Variants in ULK4 observed in about 807,000 individuals in gnomAD.
The protein encoded by ULK4 is unc-51 like kinase 4, also known as inactive serine/threonine-protein kinase ULK4.
ULK4 carries 133 observed loss-of-function variants against 160.6 expected under a neutral mutation model. That is an observed-to-expected ratio of 0.83 (90% CI 0.72 to 0.96). The LOEUF is 0.96. Among genes scored for constraint, ULK4 ranks in the 40% least tolerant of loss-of-function variants. The pLI is 0.00. For missense variants in ULK4, 1,580 were observed against 1,499.5 expected (o/e 1.05, Z -0.89); for synonymous variants, 534 against 539.8 (o/e 0.99, Z 0.15).
intron 19 of ULK4, among the ~76,000 whole-genome samples, chr3:41,804,463 C>T (rs1007575129): frequency 2.0e-5 from 3 of 151,012 alleles, no homozygotes; most frequent in East Asian, 1.9e-4. Flanking sequence ...GTTTCTTTTG[C>T]TGTGCAGAAG....
intron 30 of ULK4, among the ~76,000 whole-genome samples, chr3:41,643,038 G>A (rs1353703157): frequency 6.6e-6 from 1 of 151,928 alleles, no homozygotes; most frequent in Admixed American, 6.6e-5. Flanking sequence ...TGATGGGGTT[G>A]TTTGTTTTTT....
intron 21 of ULK4, among the ~76,000 whole-genome samples, chr3:41,771,383 T>G (rs1661619722): frequency 6.6e-6 from 1 of 152,130 alleles, no homozygotes. Context: ...GTTTTTGTAA[T>G]CAAATACATT....
At chr3:41,279,946 G>C (rs1016820540) in intron 35 of ULK4, among the ~76,000 whole-genome samples, 1 of 152,122 alleles carries the variant, frequency 6.6e-6, no homozygotes, top group South Asian at 2.1e-4. Flanking sequence ...GATGCAGGAA[G>C]ATCTACCAAG....
intron 21 of ULK4, among the ~76,000 whole-genome samples, chr3:41,777,122 G>T (rs2039656188): frequency 2.7e-5 from 1 of 37,154 alleles, no homozygotes; most frequent in African/African-American, 2.3e-4. Context: ...TCTATTCAGA[G>T]ATTCAACTTC....
chr3:41,326,808 T>C (rs947048223), intron 35 of ULK4, among the ~76,000 whole-genome samples: 1 of 152,098 alleles, frequency 6.6e-6, no homozygotes, highest in African/African-American at 2.4e-5. Context: ...AGGGACACAG[T>C]AAAAGACACA....
At chr3:41,612,398 T>C (rs1400558797) in intron 31 of ULK4, among the ~76,000 whole-genome samples, 2 of 152,100 alleles carry the variant, frequency 1.3e-5, no homozygotes, top group African/African-American at 4.8e-5. Flanking sequence ...GGTCCACAGC[T>C]TTCCAGACCT....
chr3:41,843,771 C>T (rs201500398), intron 17 of ULK4, among the ~76,000 whole-genome samples: 2 of 152,112 alleles, frequency 1.3e-5, no homozygotes, highest in African/African-American at 4.8e-5. Flanking sequence ...ACTGCTGGCT[C>T]GGGCAGCCTG....
chr3:41,862,629 C>T (rs1318746879), intron 17 of ULK4, among the ~76,000 whole-genome samples: 1 of 152,142 alleles, frequency 6.6e-6, no homozygotes, highest in African/African-American at 2.4e-5. Context: ...CCCAGTAACA[C>T]TGTAGTTCTT....
At chr3:41,854,067 G>C (rs1288005425) in intron 17 of ULK4, 5 of 152,206 alleles carry the variant, frequency 3.3e-5, no homozygotes, top group Non-Finnish European at 7.3e-5. Context: ...TTCCCAGCCT[G>C]TCAAGATAGC....
chr3:41,689,723 A>C (rs1048501031), intron 27 of ULK4, among the ~76,000 whole-genome samples: 8 of 152,250 alleles, frequency 5.3e-5, no homozygotes, highest in Non-Finnish European at 7.3e-5. Context: ...GAGAAATGCA[A>C]ATCAATACCA....
chr3:41,642,428 G>C (rs1000803052), intron 30 of ULK4, among the ~76,000 whole-genome samples: 1 of 152,054 alleles, frequency 6.6e-6, no homozygotes, highest in African/African-American at 2.4e-5. Context: ...CTATGAGTGA[G>C]AACATGCAGT....
At position 41,255,471 on chromosome 3, in the gene ULK4, G is replaced by A. The variant is rs546232146; in HGVS notation, c.3679-5897C>T. Reference sequence around the variant, plus strand: ...GCACTCCAGCTTGGGCAACAAGAGCGAAACTCCATCTCAAAAAATAAATAA... The same window carrying A: ...GCACTCCAGCTTGGGCAACAAGAGCAAAACTCCATCTCAAAAAATAAATAA... On this transcript the variant is annotated intron_variant, in intron 35 of 36. Coordinates refer to ENST00000301831, the MANE Select transcript of ULK4 (RefSeq NM_017886.4). Among the ~76,000 whole-genome samples the A allele has an allele frequency of 1.9e-4, 29 of 152,206 alleles. No homozygotes were observed. The South Asian group carries it at 4.1e-3, about 22-fold the overall frequency.
At chr3:41,465,565 T>C (rs1253377414) in intron 32 of ULK4, among the ~76,000 whole-genome samples, 2 of 152,212 alleles carry the variant, frequency 1.3e-5, no homozygotes, top group South Asian at 2.1e-4. Flanking sequence ...TAATTTCTAA[T>C]AGTCCTTCCT....
intron 31 of ULK4, among the ~76,000 whole-genome samples, chr3:41,611,462 G>A (rs778933068): frequency 3.9e-5 from 6 of 152,194 alleles, no homozygotes; most frequent in Admixed American, 6.5e-5. Flanking sequence ...TGAATGTGAT[G>A]TTAGAACTCC....
chr3:41,757,540 G>A (rs900936132), intron 21 of ULK4, among the ~76,000 whole-genome samples: 3 of 149,336 alleles, frequency 2.0e-5, no homozygotes, highest in East Asian at 4.1e-4. Context: ...GCTGAGGCAG[G>A]AGAATGGTGT....
At chr3:41,646,955 A>G (rs2034523727) in intron 30 of ULK4, among the ~76,000 whole-genome samples, 1 of 151,872 alleles carries the variant, frequency 6.6e-6, no homozygotes, top group South Asian at 2.1e-4. Context: ...ATCTTCCATC[A>G]CTGATACCCT....
At chr3:41,586,161 G>A (rs191754475) in intron 31 of ULK4, among the ~76,000 whole-genome samples, 2 of 152,238 alleles carry the variant, frequency 1.3e-5, no homozygotes, top group Non-Finnish European at 2.9e-5. Flanking sequence ...ATATCCAAAA[G>A]AATTCAAAAT....
intron 32 of ULK4, among the ~76,000 whole-genome samples, chr3:41,540,866 A>C (rs1472402127): frequency 1.6e-5 from 2 of 125,842 alleles, no homozygotes; most frequent in Non-Finnish European, 3.7e-5. Context: ...TCATTTGCCC[A>C]CATTTTGATG....
chr3:41,384,469 G>A (rs148337596), intron 35 of ULK4, among the ~76,000 whole-genome samples: 20 of 152,218 alleles, frequency 1.3e-4, no homozygotes, highest in Non-Finnish European at 1.9e-4. Context: ...TGAGGCAGGC[G>A]ATCACTTGAG....
Sources: gnomAD v4.1 joint callset for allele counts (sites outside exome capture counted in the v4.1 genomes callset) on GRCh38, gnomAD v4.1.1 for gene constraint, MANE v1.5 for transcripts, NCBI Gene and HGNC (gene_info 2026-07-23, HGNC 2026-07-21) for gene names.